The following PHTF2 variants were observed in gnomAD, a reference collection of about 807,000 sequenced individuals.
PHTF2 encodes putative homeodomain transcription factor 2.
Under a neutral mutation model 101.2 loss-of-function variants are expected in PHTF2, and 60 were observed. The ratio of observed to expected loss-of-function variants is 0.59; its 90% CI spans 0.48 to 0.73. PHTF2 has a LOEUF of 0.73. Ranked by LOEUF, PHTF2 falls within the 30% of genes least tolerant of loss-of-function variation. The probability of loss-of-function intolerance (pLI) is 0.00; values close to 1 mark genes in which losing one functional copy is unlikely to be tolerated. For synonymous variants in PHTF2, 311 were observed against 307.3 expected (o/e 1.01, Z -0.13); for missense variants, 747 against 908.7 (o/e 0.82, Z 2.29).
chr7:77,942,228 T>C (rs1405904343), intron 15 of PHTF2, among the ~76,000 whole-genome samples: 2 of 152,198 alleles, frequency 1.3e-5, no homozygotes, highest in Non-Finnish European at 2.9e-5. Flanking sequence ...GCCAAGTATC[T>C]CAAAGCATCC....
At chr7:77,823,056 T>C (rs1214541873) in intron 1 of PHTF2, among the ~76,000 whole-genome samples, 3 of 145,452 alleles carry the variant, frequency 2.1e-5, no homozygotes, top group Non-Finnish European at 3.0e-5. Context: ...AGGCGCCCGC[T>C]ACCACGCCCG....
chr7:77,830,399 G>A (rs1180544658), intron 1 of PHTF2, among the ~76,000 whole-genome samples: 1 of 152,196 alleles, frequency 6.6e-6, no homozygotes, highest in African/African-American at 2.4e-5. Context: ...AGGAACCGTG[G>A]GCTGCACTAC....
intron 7 of PHTF2, among the ~76,000 whole-genome samples, chr7:77,908,384 A>C (rs1459822466): frequency 6.6e-6 from 1 of 152,258 alleles, no homozygotes; most frequent in Non-Finnish European, 1.5e-5. Context: ...ATAGACCTCT[A>C]TTAATAAGAA....
At chr7:77,920,377 G>A in exon 10 of PHTF2, 1 of 1,612,544 alleles carries the variant, frequency 6.2e-7, no homozygotes, top group South Asian at 1.1e-5. Context: ...GGTGAAGATG[G>A]AATACAAAAC....
chr7:77,889,952 C>T lies in PHTF2; in HGVS notation c.148-3656C>T, dbSNP rs555875689. On this transcript the variant is annotated intron_variant, in intron 3 of 19. Transcript: ENST00000416283. ...AGTCTGCTGCAAAGGAGAACTGATTCCTGCACTTACAGACATTTAATTGCT... is the reference window on the plus strand; with the variant it reads ...AGTCTGCTGCAAAGGAGAACTGATTTCTGCACTTACAGACATTTAATTGCT... Among the ~76,000 whole-genome samples, 12 of 152,054 alleles carry T rather than the reference C, an allele frequency of 7.9e-5. No individual in the cohort carries two copies. In the South Asian group the frequency reaches 2.5e-3, roughly 32 times the overall value.
intron 1 of PHTF2, among the ~76,000 whole-genome samples, chr7:77,814,598 A>G (rs11977422): frequency 0.14 from 20,931 of 149,954 alleles, 1,896 homozygotes; most frequent in African/African-American, 0.25. Context: ...TGCAACTTCT[A>G]ACTCCCTGGT....
rs145812535 is a variant in PHTF2 at position 77,931,738 on chromosome 7, T to C, written c.1338+2411T>C. On this transcript the variant is annotated intron_variant, in intron 12 of 19. Transcript: ENST00000416283. ...AAACTTTAGAAGATAGGCACTATCA[T>C]TGCATTGTGCATGATAGTGAAAGTT... 1.1e-3 allele frequency among the ~76,000 whole-genome samples: 166 copies of C among 152,314 alleles called. 1 individual carries two copies. The highest frequency in any genetic ancestry group is 3.8e-3 in the African/African-American group (160 of 41,566).
At chr7:77,905,613 C>G (rs1013401295) in intron 7 of PHTF2, among the ~76,000 whole-genome samples, 2 of 152,020 alleles carry the variant, frequency 1.3e-5, no homozygotes, top group African/African-American at 4.8e-5. Flanking sequence ...TTCCTCCTAC[C>G]TCTACCTCCA....
intron 11 of PHTF2, among the ~76,000 whole-genome samples, chr7:77,927,672 G>A (rs984978540): frequency 6.6e-6 from 1 of 152,176 alleles, no homozygotes; most frequent in African/African-American, 2.4e-5. Flanking sequence ...CATTTGTTGA[G>A]CCCCTGCTTT....
chr7:77,847,817 CTG>C (rs1264566799), intron 2 of PHTF2, among the ~76,000 whole-genome samples: 2 of 152,176 alleles, frequency 1.3e-5, no homozygotes, highest in African/African-American at 4.8e-5. Flanking sequence ...TTCTATCTAA[CTG>C]TGGTTTTGCA....
At chr7:77,956,831 G>T (rs1313339091) in exon 20 of PHTF2, 1 of 152,250 alleles carries the variant, frequency 6.6e-6, no homozygotes, top group Non-Finnish European at 1.5e-5. Flanking sequence ...AAAAGTAGCT[G>T]AGTATACTGG....
intron 3 of PHTF2, among the ~76,000 whole-genome samples, chr7:77,882,801 C>T (rs544836248): frequency 2.0e-5 from 3 of 152,228 alleles, no homozygotes; most frequent in Admixed American, 2.0e-4. Flanking sequence ...TTTTCTCAGA[C>T]CACAGCTTTC....
intron 1 of PHTF2, among the ~76,000 whole-genome samples, chr7:77,812,721 C>T (rs1584365181): frequency 6.6e-6 from 1 of 152,168 alleles, no homozygotes; most frequent in East Asian, 1.9e-4. Flanking sequence ...TCCCAAGTAG[C>T]TGGGACTACA....
At chr7:77,944,830 T>C (rs1805914333) in intron 16 of PHTF2, among the ~76,000 whole-genome samples, 4 of 152,326 alleles carry the variant, frequency 2.6e-5, no homozygotes, top group Middle Eastern at 3.4e-3. Context: ...AATACAGTTA[T>C]TGACTTTTGA....
rs560455277 is a variant in PHTF2, at chr7:77,939,444, T to C, written c.1468-586T>C. Among the ~76,000 whole-genome samples the C allele has an allele frequency of 3.0e-4, 46 of 151,956 alleles. 2 individuals carry two copies. In the South Asian group the frequency reaches 9.3e-3, roughly 31 times the overall value. ...AACATAGTGAAACCCTGTCTTTACA[T>C]CTCTACAAAACCCAAAAAATTAGCT... On this transcript the variant is annotated intron_variant, in intron 13 of 19. Coordinates refer to ENST00000416283, the Ensembl canonical transcript of PHTF2.
At chr7:77,826,176 G>A (rs1391356133) in intron 1 of PHTF2, among the ~76,000 whole-genome samples, 2 of 152,026 alleles carry the variant, frequency 1.3e-5, no homozygotes, top group African/African-American at 4.8e-5. Flanking sequence ...GAATTATTTT[G>A]TTATCCTGGC....
intron 1 of PHTF2, among the ~76,000 whole-genome samples, chr7:77,813,249 G>A (rs1340198922): frequency 6.6e-6 from 1 of 152,166 alleles, no homozygotes; most frequent in African/African-American, 2.4e-5. Flanking sequence ...AGGAAAACTA[G>A]CAAAGAAACT....
chr7:77,866,277 G>A (rs1051405441), intron 3 of PHTF2, among the ~76,000 whole-genome samples: 6 of 151,986 alleles, frequency 3.9e-5, no homozygotes, highest in East Asian at 1.9e-4. Flanking sequence ...ATAAGTATTA[G>A]GAGAATAAAA....
At chr7:77,878,851 A>C (rs1331933002) in intron 3 of PHTF2, among the ~76,000 whole-genome samples, 1 of 152,224 alleles carries the variant, frequency 6.6e-6, no homozygotes, top group Admixed American at 6.5e-5. Context: ...TTATTTCTTT[A>C]AGTATTAAAA....
Sources: allele counts gnomAD v4.1 joint callset (sites outside exome capture counted in the v4.1 genomes callset), GRCh38; gene constraint gnomAD v4.1.1; transcripts MANE v1.5; gene names NCBI Gene and HGNC (gene_info 2026-07-23, HGNC 2026-07-21).